WDR33: variants seen among roughly 807,000 people sequenced by gnomAD.
The protein encoded by WDR33 is pre-mRNA 3' end processing protein WDR33.
WDR33 carries 47 observed loss-of-function variants against 164.9 expected under a neutral mutation model. The observed-to-expected ratio is 0.29, with a 90% confidence interval of 0.23 to 0.36. The LOEUF (loss-of-function observed/expected upper bound fraction) is 0.36. Ranked by LOEUF, WDR33 falls within the 10% of genes least tolerant of loss-of-function variation. WDR33 has a pLI of 1.00. For synonymous variants in WDR33, 505 were observed against 589.0 expected, an observed-to-expected ratio of 0.86 and a Z score of 2.06; for missense variants, 1,137 against 1,754.1, an observed-to-expected ratio of 0.65 and a Z score of 6.28.
At position 127,703,044 on chromosome 2, in the gene WDR33, T is replaced by C. The variant is rs1685932179; in HGVS notation, c.*3279A>G. 6.0e-6 allele frequency: 1 copy of C among 167,112 alleles called. No homozygotes were observed. The highest frequency in any genetic ancestry group is 6.5e-5 in the Admixed American group (1 of 15,296). The allele number at this position is 167,112 out of a possible 1,614,324, so 10.4% of individuals were successfully genotyped here. A position where few individuals can be genotyped will look rare whatever the true frequency, so the allele number is the denominator to read the frequency against. On this transcript the variant is annotated 3_prime_UTR_variant, in exon 22 of 22. Transcript: ENST00000322313. ...ATCTTAAGATTTTTTTATATCTAATTGCTGCTGCCTTCATTTTAGGTTCAG... is the reference window on the plus strand; with the variant it reads ...ATCTTAAGATTTTTTTATATCTAATCGCTGCTGCCTTCATTTTAGGTTCAG...
At chr2:127,787,274 G>A (rs1375775145) in intron 1 of WDR33, among the ~76,000 whole-genome samples, 1 of 108,950 alleles carries the variant, frequency 9.2e-6, no homozygotes, top group Non-Finnish European at 1.8e-5. Context: ...CACAGACACG[G>A]CAACCATCCG....
At position 127,706,610 on chromosome 2, in the gene WDR33, C is replaced by T. The variant is rs1191668507; in HGVS notation, c.3782-58G>A. ...TGTATTAGCAACTGTTTGTCAGTAA[C>T]TCCCAGTACAAACTTTACTCTCTGA... On this transcript the variant is annotated intron_variant, in intron 21 of 21. Coordinates refer to ENST00000322313, the MANE Select transcript of WDR33 (RefSeq NM_018383.5). This position sits in a 1 kb window ranked among gnomAD's most constrained non-coding sequence, Gnocchi z 5.1. The T allele has an allele frequency of 1.4e-6, 2 of 1,478,434 alleles. No individual in the cohort carries two copies. Among genetic ancestry groups the T allele is most frequent in the Non-Finnish European group, 1.8e-6 (2 of 1,083,096 alleles). The allele number at this position is 1,478,434 out of a possible 1,614,324, so 91.6% of individuals were successfully genotyped here. A position where few individuals can be genotyped will look rare whatever the true frequency, so the allele number is the denominator to read the frequency against.
At chr2:127,762,936 T>G (rs962464283) in intron 7 of WDR33, 126 bp downstream of exon 7, 29 of 1,491,082 alleles carry the variant, frequency 1.9e-5, no homozygotes, top group Non-Finnish European at 2.5e-5. Context: ...TTGAAGAGCC[T>G]GAGACGGTGT....
rs528421475 is a variant in WDR33 at position 127,769,447 on chromosome 2, A to G, written c.205-446T>C. On this transcript the variant is annotated intron_variant, in intron 2 of 21. Coordinates refer to ENST00000322313, the MANE Select transcript of WDR33 (RefSeq NM_018383.5). ...TTCCATCTCAAAAAAACAAACAAAC[A>G]AAAAAAAAACCTTCCCTCCTCATGT... is the stretch of plus-strand genomic sequence containing the variant. Among the ~76,000 whole-genome samples, 6 of 147,600 alleles carry G rather than the reference A, an allele frequency of 4.1e-5. No individual in the cohort carries two copies. In the South Asian group the frequency reaches 6.4e-4, roughly 16 times the overall value.
rs1311705458 is a variant in WDR33, at chr2:127,722,086, C to T, written c.1519-98G>A. 13 of 1,358,578 alleles carry T rather than the reference C, an allele frequency of 9.6e-6. No homozygotes were observed. In the South Asian group the frequency reaches 1.1e-4, roughly 11 times the overall value. The allele number at this position is 1,358,578 out of a possible 1,614,324, so 84.2% of individuals were successfully genotyped here. ...TACAATGTCATCTGCTCAATCTAAC[C>T]TCTGAACCGATTTTATTTCTTTTTA... is the stretch of plus-strand genomic sequence containing the variant. On this transcript the variant is annotated intron_variant, in intron 14 of 21. Transcript: ENST00000322313. This position sits in a 1 kb window ranked among gnomAD's most constrained non-coding sequence, Gnocchi z 5.1.
Position 127,722,511 on chromosome 2 carries a change from A to G in WDR33, c.1518+80T>C. The G allele has an allele frequency of 3.2e-6, 5 of 1,550,556 alleles. No individual in the cohort carries two copies. The highest frequency in any genetic ancestry group is 4.4e-6 in the Non-Finnish European group (5 of 1,149,258). On this transcript the variant is annotated intron_variant, in intron 14 of 21. Coordinates refer to ENST00000322313, the MANE Select transcript of WDR33 (RefSeq NM_018383.5). This position sits in a 1 kb window ranked among gnomAD's most constrained non-coding sequence, Gnocchi z 5.1. ...GCTCCAGTACAGAAACACCTTCAAC[A>G]GTGAGATAATCCAAGAGAAACCTCA...
chr2:127,802,167 C>CA (rs557960851), intron 1 of WDR33, among the ~76,000 whole-genome samples: 4,194 of 124,926 alleles, frequency 0.034, 212 homozygotes, highest in African/African-American at 0.12. Flanking sequence ...GACTCCGACT[C>CA]AAAAAAAAAA....
intron 7 of WDR33, among the ~76,000 whole-genome samples, chr2:127,759,456 C>A (rs907521621): frequency 3.3e-5 from 5 of 152,076 alleles, no homozygotes; most frequent in Non-Finnish European, 2.9e-5. Flanking sequence ...TTTGGGAGGC[C>A]GAGGAGCATG....
At position 127,750,650 on chromosome 2, in the gene WDR33, T is replaced by TAAAAAA. The variant is rs1174539929; in HGVS notation, c.724+12406_724+12411dup. Among the ~76,000 whole-genome samples the TAAAAAA allele has an allele frequency of 2.0e-4, 3 of 14,962 alleles. 1 individual carries two copies. Among genetic ancestry groups the TAAAAAA allele is most frequent in the Non-Finnish European group, 3.4e-4 (3 of 8,766 alleles). The allele number at this position is 14,962 out of a possible 152,430, so 9.8% of individuals were successfully genotyped here. A position where few individuals can be genotyped will look rare whatever the true frequency, so the allele number is the denominator to read the frequency against. ...GGGCAACAAGAGTGAAACTCCATCT[T>TAAAAAA]AAAAAAAAAAAAAAAAAAAAAAAAA... is the stretch of plus-strand genomic sequence containing the variant. On this transcript the variant is annotated intron_variant, in intron 7 of 21. Transcript: ENST00000322313.
intron 1 of WDR33, among the ~76,000 whole-genome samples, chr2:127,788,224 G>C (rs1303857995): frequency 3.3e-4 from 44 of 133,624 alleles, no homozygotes; most frequent in Non-Finnish European, 5.8e-4. Context: ...CTCCCGGACA[G>C]GGCGGCTGGC....
rs554103290 is a variant in WDR33 at position 127,725,320 on chromosome 2, C to A, written c.852-105G>T. On this transcript the variant is annotated intron_variant, in intron 8 of 21. Coordinates refer to ENST00000322313, the MANE Select transcript of WDR33 (RefSeq NM_018383.5). ...TTAATCAAGATGGCAAGAGGTTTGGCCTAGAAGCAATAAAGCCTGTAACAT... is the reference window on the plus strand; with the variant it reads ...TTAATCAAGATGGCAAGAGGTTTGGACTAGAAGCAATAAAGCCTGTAACAT... 6 of 1,160,258 alleles carry A rather than the reference C, an allele frequency of 5.2e-6. No homozygotes were observed. In the South Asian group the frequency reaches 8.2e-5, roughly 16 times the overall value. The allele number at this position is 1,160,258 out of a possible 1,614,324, so 71.9% of individuals were successfully genotyped here.
chr2:127,709,775 A>C lies in WDR33; in HGVS notation c.3390T>G (p.Phe1130Leu). 1.2e-6 allele frequency: 2 copies of C among 1,614,204 alleles called. No homozygotes were observed. Among genetic ancestry groups the C allele is most frequent in the Non-Finnish European group, 1.7e-6 (2 of 1,180,046 alleles). The change falls in exon 19 of 22, where the codon TTT becomes TTG. Residue 1130 changes from phenylalanine (F) to leucine (L), a missense_variant. Physicochemically the swap from Phe to Leu is conservative, Grantham distance 22. Around this residue, in one of 9 missense-constraint regions of WDR33, gnomAD observed 867 missense variants for 1,073.0 expected, o/e 0.81. Coordinates refer to ENST00000322313, the MANE Select transcript of WDR33 (RefSeq NM_018383.5). This position sits in a 1 kb window ranked among gnomAD's most constrained non-coding sequence, Gnocchi z 5.0. ...AAGCATCAAAATTCTCCTCTGGACCAAAGTCTTCAGGACCAGGAAAACCAT... is the reference window on the plus strand; with the variant it reads ...AAGCATCAAAATTCTCCTCTGGACCCAAGTCTTCAGGACCAGGAAAACCAT... ...GRDGFPGPEDFGPEENFDASE... is the reference protein window; with the variant it reads ...GRDGFPGPEDLGPEENFDASE...
intron 7 of WDR33, chr2:127,737,855 A>AAT: frequency 7.2e-7 from 1 of 1,393,378 alleles, no homozygotes; most frequent in East Asian, 2.8e-5. Flanking sequence ...AAAAGCAACA[A>AAT]ATAATCCGTG....
rs557503672 is a variant in WDR33, at chr2:127,701,377, T to A, written c.*4946A>T. On this transcript the variant is annotated 3_prime_UTR_variant, in exon 22 of 22. Transcript: ENST00000322313. ...ACGGTACTTGGGGACACCACAAAAG[T>A]CCGCAGAGCAGGCACCGCGGCACTT... 8.4e-6 allele frequency: 6 copies of A among 710,210 alleles called. No individual in the cohort carries two copies. The highest frequency in any genetic ancestry group is 5.6e-5 in the African/African-American group (3 of 53,830). The allele number at this position is 710,210 out of a possible 1,614,324, so 44.0% of individuals were successfully genotyped here.
chr2:127,786,488 G>C (rs920333992), intron 1 of WDR33, among the ~76,000 whole-genome samples: 2 of 152,176 alleles, frequency 1.3e-5, no homozygotes, highest in African/African-American at 4.8e-5. Context: ...TTCAAGACCA[G>C]CTCAGTCAAC....
intron 1 of WDR33, among the ~76,000 whole-genome samples, chr2:127,807,324 C>CA (rs1015072559): frequency 6.6e-6 from 1 of 152,014 alleles, no homozygotes; most frequent in Admixed American, 6.6e-5. Context: ...CTTAAAGTTG[C>CA]AAAAAAGTTA....
chr2:127,709,835 C>T lies in WDR33; in HGVS notation c.3330G>A (p.Pro1110=), dbSNP rs778481095. The change falls in exon 19 of 22, where the codon CCG becomes CCA. Residue 1110 remains proline, a synonymous_variant. Coordinates refer to ENST00000322313, the MANE Select transcript of WDR33 (RefSeq NM_018383.5). This position sits in a 1 kb window ranked among gnomAD's most constrained non-coding sequence, Gnocchi z 5.0. The stretch of plus-strand genomic sequence containing the variant: ...TGGGGGGAGCACGGCCCTCATGCCT[C>T]GGCGGGGCTCCTCTTCTGAAACTGT... The part of the protein sequence containing the change: ...REESFRRGAP[P]RHEGRAPPRG... The T allele has an allele frequency of 2.0e-5, 32 of 1,614,008 alleles. No homozygotes were observed. The highest frequency in any genetic ancestry group is 5.3e-5 in the African/African-American group (4 of 74,914).
At chr2:127,752,404 C>T (rs1012192904) in intron 7 of WDR33, among the ~76,000 whole-genome samples, 2 of 151,558 alleles carry the variant, frequency 1.3e-5, no homozygotes, top group East Asian at 3.9e-4. Context: ...TCCTGGCTAA[C>T]AAGGTGAAAC....
chr2:127,750,313 C>A (rs1687286993), intron 7 of WDR33, among the ~76,000 whole-genome samples: 1 of 151,924 alleles, frequency 6.6e-6, no homozygotes, highest in Admixed American at 6.6e-5. Flanking sequence ...CTGGCATGAG[C>A]CACCGCACCC....
Sources: gnomAD v4.1 joint callset for allele counts (sites outside exome capture counted in the v4.1 genomes callset) on GRCh38, gnomAD v4.1.1 for gene constraint, gnomAD v4.1.1 regional missense constraint, Gnocchi (gnomAD v3.1) non-coding constraint, MANE v1.5 for transcripts, NCBI Gene and HGNC (gene_info 2026-07-23, HGNC 2026-07-21) for gene names.